ENOX1: variants seen among roughly 807,000 people sequenced by gnomAD.
ENOX1 encodes ecto-NOX disulfide-thiol exchanger 1, also known as candidate growth-related and time keeping constitutive hydroquinone (NADH) oxidase.
In ENOX1, 42 loss-of-function variants were observed where a neutral mutation model predicts 82.5. The observed-to-expected ratio is 0.51, with a 90% CI of 0.40 to 0.66. The LOEUF is 0.66. Among genes scored for constraint, ENOX1 ranks in the 30% least tolerant of loss-of-function variants. ENOX1 has a pLI of 0.00. For synonymous variants in ENOX1, 271 were observed against 282.2 expected (o/e 0.96, Z 0.40); for missense variants, 608 against 811.6 (o/e 0.75, Z 3.05).
At chr13:43,604,364 C>G (rs2081885890) in intron 2 of ENOX1, among the ~76,000 whole-genome samples, 1 of 152,006 alleles carries the variant, frequency 6.6e-6, no homozygotes, top group Admixed American at 6.6e-5. Context: ...AGTATTGAAA[C>G]AAATAATAAA....
chr13:43,250,445 T>A (rs578182426), intron 14 of ENOX1, among the ~76,000 whole-genome samples: 9 of 152,372 alleles, frequency 5.9e-5, no homozygotes, highest in African/African-American at 2.2e-4. Context: ...GTGCCTGTCA[T>A]GTGGACTTGG....
intron 9 of ENOX1, among the ~76,000 whole-genome samples, chr13:43,329,589 T>C (rs2048310730): frequency 2.6e-5 from 4 of 152,330 alleles, no homozygotes; most frequent in Middle Eastern, 3.4e-3. Flanking sequence ...CAAAGAGATA[T>C]GGCCAACATT....
rs9594913 is a variant in ENOX1, at chr13:43,225,214, G to A, written c.1715-1076C>T. Reference sequence around the variant, plus strand: ...CTTATAAGTGGGAGCTTAACAGTGGGTACTCATGGACATAAGAAGGAGAAC... The same window carrying A: ...CTTATAAGTGGGAGCTTAACAGTGGATACTCATGGACATAAGAAGGAGAAC... On this transcript the variant is annotated intron_variant, in intron 15 of 16. Transcript: ENST00000690772. 3.2e-3 allele frequency among the ~76,000 whole-genome samples: 490 copies of A among 152,298 alleles called. 2 individuals are homozygous for A. Among genetic ancestry groups the A allele is most frequent in the African/African-American group, 0.011 (459 of 41,544 alleles).
At position 43,361,360 on chromosome 13, in the gene ENOX1, G is replaced by T. The variant is rs1030563488; in HGVS notation, c.301C>A (p.Pro101Thr). The part of the protein sequence containing the change: ...NPMIPGLGLV[P>T]PPPPTEVAVV... The stretch of plus-strand genomic sequence containing the variant: ...GCCACTTCTGTTGGTGGTGGGGGAG[G>T]TACCAGTCCAAGGCCTGGTATCATT... The change falls in exon 6 of 17, where the codon CCT becomes ACT. Residue 101 changes from proline (P) to threonine (T), a missense_variant. Physicochemically the swap from Pro to Thr is conservative, Grantham distance 38. Coordinates refer to ENST00000690772, the MANE Select transcript of ENOX1 (RefSeq NM_001347969.2). 2 of 1,613,892 alleles carry T rather than the reference G, an allele frequency of 1.2e-6. No homozygotes were observed. Among genetic ancestry groups the T allele is most frequent in the African/African-American group, 2.7e-5 (2 of 75,012 alleles).
In ENOX1 at chr13:43,344,684, C is replaced by T. The variant is rs770541252; in HGVS notation, c.890G>A (p.Arg297Gln). Residue 297 changes from arginine (R) to glutamine (Q), a missense_variant, in exon 9 of 17, where the codon CGG becomes CAG. Arg to Gln is a conservative substitution (Grantham distance 43). Transcript: ENST00000690772. Reference protein sequence around the residue: ...LSWIERGEVNRRSANQFYSMV... With the variant: ...LSWIERGEVNQRSANQFYSMV... ...GGAATAGAACTGGTTTGCAGAGCGC[C>T]GATTCACTTCCCCTCGTTCAATCCA... 1.5e-5 allele frequency: 24 copies of T among 1,614,006 alleles called. No homozygotes were observed. Among genetic ancestry groups the T allele is most frequent in the Non-Finnish European group, 1.9e-5 (23 of 1,180,046 alleles).
intron 2 of ENOX1, among the ~76,000 whole-genome samples, chr13:43,563,656 A>G (rs957946344): frequency 1.3e-5 from 2 of 152,058 alleles, no homozygotes; most frequent in African/African-American, 4.8e-5. Context: ...AAAACAGGGA[A>G]AGACCCAGAT....
chr13:43,391,910 C>T (rs2052802766), intron 5 of ENOX1, among the ~76,000 whole-genome samples: 1 of 152,164 alleles, frequency 6.6e-6, no homozygotes, highest in Non-Finnish European at 1.5e-5. Context: ...GAATTAAGAT[C>T]AAACCCTTTC....
At chr13:43,776,809 T>C (rs1951942524) in intron 1 of ENOX1, among the ~76,000 whole-genome samples, 1 of 150,086 alleles carries the variant, frequency 6.7e-6, no homozygotes, top group Non-Finnish European at 1.5e-5. Flanking sequence ...CCAGGGATGC[T>C]ACCCACAGCT....
chr13:43,285,907 C>G (rs1353214433), intron 12 of ENOX1, among the ~76,000 whole-genome samples: 1 of 150,738 alleles, frequency 6.6e-6, no homozygotes, highest in Non-Finnish European at 1.5e-5. Flanking sequence ...AAATTTCTCC[C>G]TGCATTTTCT....
chr13:43,505,176 G>A (rs113308153), intron 2 of ENOX1, among the ~76,000 whole-genome samples: 1,577 of 151,854 alleles, frequency 0.01, 30 homozygotes, highest in African/African-American at 0.036. Flanking sequence ...CATGGTAATC[G>A]GATCACATCA....
chr13:43,227,451 T>C (rs976994444), intron 15 of ENOX1, among the ~76,000 whole-genome samples: 3 of 152,232 alleles, frequency 2.0e-5, no homozygotes, highest in African/African-American at 7.2e-5. Context: ...TCTATTAGTC[T>C]ATTATTGATA....
chr13:43,758,167 C>A (rs1341420899), intron 1 of ENOX1, among the ~76,000 whole-genome samples: 1 of 151,818 alleles, frequency 6.6e-6, no homozygotes, highest in African/African-American at 2.4e-5. Flanking sequence ...AGCTAGGAGG[C>A]AGAGGTTGCA....
At chr13:43,293,218 A>G (rs961214489) in intron 12 of ENOX1, among the ~76,000 whole-genome samples, 7 of 152,002 alleles carry the variant, frequency 4.6e-5, no homozygotes, top group African/African-American at 1.7e-4. Flanking sequence ...TGACATTACC[A>G]TTAGTCACCA....
intron 7 of ENOX1, 182 bp downstream of exon 7, chr13:43,359,669 G>C (rs955992081): frequency 8.4e-6 from 5 of 597,884 alleles, no homozygotes; most frequent in Admixed American, 3.0e-5. Context: ...CTCCTGCAGT[G>C]AAGTACCTTC....
chr13:43,661,037 A>G (rs999147459), intron 2 of ENOX1, among the ~76,000 whole-genome samples: 1 of 152,224 alleles, frequency 6.6e-6, no homozygotes, highest in Non-Finnish European at 1.5e-5. Context: ...AAAGAGATAC[A>G]ATAAAATGCA....
intron 14 of ENOX1, among the ~76,000 whole-genome samples, chr13:43,244,742 G>A (rs953072006): frequency 2.0e-5 from 3 of 152,108 alleles, no homozygotes; most frequent in Non-Finnish European, 2.9e-5. Context: ...CAGTCGACAA[G>A]ATCTATGTGG....
chr13:43,653,621 A>T (rs2084296287), intron 2 of ENOX1, among the ~76,000 whole-genome samples: 1 of 152,158 alleles, frequency 6.6e-6, no homozygotes, highest in Admixed American at 6.5e-5. Flanking sequence ...AAAGACAGTA[A>T]ATTCTAACAT....
chr13:43,446,512 T>C (rs2251770), intron 3 of ENOX1, among the ~76,000 whole-genome samples: 53,435 of 151,950 alleles, frequency 0.35, 10,836 homozygotes, highest in South Asian at 0.48. Context: ...CTAGAATGCT[T>C]AAATGCCTAC....
chr13:43,674,619 T>G (rs1445775854), intron 1 of ENOX1, among the ~76,000 whole-genome samples: 1 of 151,838 alleles, frequency 6.6e-6, no homozygotes, highest in Non-Finnish European at 1.5e-5. Context: ...GGCAGAAGAT[T>G]TTAAGGCCAG....
Sources: allele counts gnomAD v4.1 joint callset (sites outside exome capture counted in the v4.1 genomes callset), GRCh38; gene constraint gnomAD v4.1.1; transcripts MANE v1.5; gene names NCBI Gene and HGNC (gene_info 2026-07-23, HGNC 2026-07-21).